TANGO6: variants seen among roughly 807,000 people sequenced by gnomAD.
The protein encoded by TANGO6 is transport and golgi organization 6 homolog.
In TANGO6, 90 loss-of-function variants were observed where a neutral mutation model predicts 114.2. The observed-to-expected ratio is 0.79, with a 90% CI of 0.66 to 0.94. The LOEUF (loss-of-function observed/expected upper bound fraction) is 0.94. Ranked by LOEUF, TANGO6 falls within the 40% of genes least tolerant of loss-of-function variation. TANGO6 has a pLI of 0.00. For synonymous variants in TANGO6, 477 were observed against 509.8 expected (o/e 0.94, Z 0.87); for missense variants, 1,274 against 1,315.3 (o/e 0.97, Z 0.49).
At chr16:68,864,472 T>A (rs1295913953) in intron 3 of TANGO6, among the ~76,000 whole-genome samples, 1 of 152,088 alleles carries the variant, frequency 6.6e-6, no homozygotes, top group African/African-American at 2.4e-5. Flanking sequence ...TTCCAGCTAC[T>A]CTGGAAGCTG....
intron 7 of TANGO6, among the ~76,000 whole-genome samples, chr16:68,886,911 G>T (rs1962547344): frequency 6.6e-6 from 1 of 151,614 alleles, no homozygotes; most frequent in African/African-American, 2.4e-5. Context: ...AGGTTCAAGC[G>T]ATTCTCTTGC....
intron 17 of TANGO6, among the ~76,000 whole-genome samples, chr16:69,078,006 C>T (rs1330606436): frequency 6.6e-6 from 1 of 152,080 alleles, no homozygotes. Flanking sequence ...CTGATAGGGG[C>T]TACAAACAGA....
At position 68,970,896 on chromosome 16, in the gene TANGO6, G is replaced by T. The variant is rs573656467; in HGVS notation, c.2702-3132G>T. Among the ~76,000 whole-genome samples, 6 of 152,102 alleles carry T rather than the reference G, an allele frequency of 3.9e-5. No homozygotes were observed. In the South Asian group the frequency reaches 1.2e-3, roughly 32 times the overall value. ...CTATGGGCCGGGCGCAGTGGCTCAC[G>T]CCTGTAATCCCAGCACTTTGGGAGG... On this transcript the variant is annotated intron_variant, in intron 14 of 17. Coordinates refer to ENST00000261778, the MANE Select transcript of TANGO6 (RefSeq NM_024562.2).
chr16:68,949,318 C>T (rs1303807022), intron 14 of TANGO6, among the ~76,000 whole-genome samples: 1 of 152,074 alleles, frequency 6.6e-6, no homozygotes, highest in Non-Finnish European at 1.5e-5. Flanking sequence ...CAATAAATGA[C>T]ATTTAAAAAT....
intron 1 of TANGO6, among the ~76,000 whole-genome samples, chr16:68,843,972 A>G (rs1220033138): frequency 6.6e-6 from 1 of 152,172 alleles, no homozygotes; most frequent in Non-Finnish European, 1.5e-5. Flanking sequence ...GGGCTCTGTC[A>G]GGCGGGGCCG....
intron 15 of TANGO6, among the ~76,000 whole-genome samples, chr16:68,998,666 G>A (rs1033921839): frequency 1.3e-5 from 2 of 151,420 alleles, no homozygotes; most frequent in African/African-American, 4.8e-5. Flanking sequence ...GGAAGGCGGA[G>A]GTTGCAGTGG....
At chr16:68,863,695 C>G (rs561010143) in intron 3 of TANGO6, among the ~76,000 whole-genome samples, 62 of 152,130 alleles carry the variant, frequency 4.1e-4, no homozygotes, top group Admixed American at 1.2e-3. Context: ...CTAAAATTTG[C>G]TGTTTGACAA....
intron 15 of TANGO6, among the ~76,000 whole-genome samples, chr16:68,994,199 A>G (rs559135780): frequency 2.0e-5 from 3 of 152,370 alleles, no homozygotes; most frequent in East Asian, 1.9e-4. Context: ...CCAAAAATCC[A>G]GTAATACAAA....
At chr16:69,022,561 G>A (rs746884681) in intron 15 of TANGO6, among the ~76,000 whole-genome samples, 3 of 151,974 alleles carry the variant, frequency 2.0e-5, no homozygotes, top group South Asian at 4.2e-4. Context: ...AAAATTAGCC[G>A]GGCATGGTGG....
chr16:69,045,443 CAAAA>C (rs1389960740), intron 17 of TANGO6, among the ~76,000 whole-genome samples: 1 of 53,944 alleles, frequency 1.9e-5, no homozygotes, highest in African/African-American at 6.9e-5. Flanking sequence ...GACTCCATCT[CAAAA>C]AAAAAAAAAA....
At chr16:69,060,837 CA>C (rs1477476040) in intron 17 of TANGO6, among the ~76,000 whole-genome samples, 1 of 151,442 alleles carries the variant, frequency 6.6e-6, no homozygotes, top group Non-Finnish European at 1.5e-5. Flanking sequence ...ACTAAAAATA[CA>C]AAAATTAGCT....
intron 7 of TANGO6, among the ~76,000 whole-genome samples, chr16:68,891,035 GA>G (rs201771204): frequency 7.6e-6 from 1 of 131,618 alleles, no homozygotes. Flanking sequence ...AAAAAAAAAA[GA>G]AAAAAAAGAC....
intron 9 of TANGO6, among the ~76,000 whole-genome samples, chr16:68,905,143 T>C (rs923843338): frequency 1.4e-4 from 22 of 151,728 alleles, no homozygotes; most frequent in African/African-American, 4.8e-4. Context: ...GGCAGGAGAA[T>C]TGCTTGAACC....
intron 17 of TANGO6, among the ~76,000 whole-genome samples, chr16:69,082,150 A>C (rs1178093086): frequency 1.3e-5 from 2 of 152,032 alleles, no homozygotes; most frequent in Non-Finnish European, 2.9e-5. Context: ...CGCCCAGCTA[A>C]TTTTTTATAT....
chr16:68,857,819 A>G (rs1159408192), intron 1 of TANGO6, among the ~76,000 whole-genome samples: 1 of 152,170 alleles, frequency 6.6e-6, no homozygotes, highest in Non-Finnish European at 1.5e-5. Flanking sequence ...GTACTATTTT[A>G]TAAGTTTAGG....
intron 14 of TANGO6, among the ~76,000 whole-genome samples, chr16:68,939,577 ATTTTT>A (rs576027928): frequency 7.3e-6 from 1 of 137,530 alleles, no homozygotes. Context: ...ACTAAAAGGA[ATTTTT>A]TTTTTTTTTT....
chr16:68,859,801 CTG>C, intron 1 of TANGO6, 81 bp from the exon 2 acceptor site: 1 of 1,419,570 alleles, frequency 7.0e-7, no homozygotes, highest in South Asian at 1.5e-5. Flanking sequence ...CGAGGATGAA[CTG>C]GAGTAGGCAG....
chr16:69,040,453 C>A, intron 17 of TANGO6, 32 bp downstream of exon 17: 1 of 1,520,620 alleles, frequency 6.6e-7, no homozygotes, highest in South Asian at 1.2e-5. Context: ...TGCAATTTCT[C>A]CACCTCTTTT....
intron 17 of TANGO6, among the ~76,000 whole-genome samples, chr16:69,069,159 A>G (rs1597079019): frequency 6.6e-6 from 1 of 152,280 alleles, no homozygotes; most frequent in East Asian, 1.9e-4. Flanking sequence ...TGGGAGCTCT[A>G]GGGTCCACTT....
Sources: allele counts gnomAD v4.1 joint callset (sites outside exome capture counted in the v4.1 genomes callset), GRCh38; gene constraint gnomAD v4.1.1; transcripts MANE v1.5; gene names NCBI Gene and HGNC (gene_info 2026-07-23, HGNC 2026-07-21).